Variants in SLC7A1 observed in about 807,000 individuals in gnomAD.
SLC7A1 encodes the protein high affinity cationic amino acid transporter 1.
SLC7A1 carries 10 observed loss-of-function variants against 53.9 expected under a neutral mutation model. The observed-to-expected ratio is 0.19, with a 90% confidence interval of 0.11 to 0.31. The LOEUF (loss-of-function observed/expected upper bound fraction) is 0.31. Among genes scored for constraint, SLC7A1 ranks in the 10% least tolerant of loss-of-function variants. The pLI, the probability that SLC7A1 is intolerant of heterozygous loss-of-function variation, is 1.00. For missense variants in SLC7A1, 525 were observed against 827.2 expected (o/e 0.63, Z 4.48); for synonymous variants, 342 against 338.7 (o/e 1.01, Z -0.11).
intron 4 of SLC7A1, 120 bp from the exon 5 acceptor site, chr13:29,530,832 G>C: frequency 1.4e-6 from 1 of 717,420 alleles, no homozygotes; most frequent in Non-Finnish European, 2.3e-6. Flanking sequence ...AGCCTCTGCA[G>C]ACCTCTGTGA....
intron 11 of SLC7A1, 139 bp downstream of exon 11, chr13:29,517,004 GC>G (rs1883576676): frequency 1.4e-6 from 1 of 703,814 alleles, no homozygotes; most frequent in Non-Finnish European, 2.3e-6. Context: ...CAGGACCCCT[GC>G]CCCATCTTAC....
At position 29,551,086 on chromosome 13, in the gene SLC7A1, A is replaced by T. The variant is rs553507827; in HGVS notation, c.-15+2675T>A. On this transcript the variant is annotated intron_variant, in intron 2 of 12. Transcript: ENST00000380752. ...TAAGTAGCTGTTATTTCATTTTTTT[A>T]AAAATTGGGTGATCTTCCTTGGGCC... Among the ~76,000 whole-genome samples, 4 of 152,246 alleles carry T rather than the reference A, an allele frequency of 2.6e-5. No individual in the cohort carries two copies. The East Asian group carries it at 7.7e-4, about 29-fold the overall frequency.
intron 5 of SLC7A1, 68 bp from the exon 6 acceptor site, chr13:29,524,321 CA>C: frequency 6.3e-7 from 1 of 1,599,704 alleles, no homozygotes; most frequent in Non-Finnish European, 8.5e-7. Flanking sequence ...GAGCTGTGCT[CA>C]TCTCCTGATA....
chr13:29,528,770 G>A (rs534517623), intron 5 of SLC7A1, among the ~76,000 whole-genome samples: 46 of 152,306 alleles, frequency 3.0e-4, no homozygotes, highest in African/African-American at 8.9e-4. Flanking sequence ...CAGTGAGGCC[G>A]TCAGATGTAG....
chr13:29,528,655 TAAC>T (rs1358597396), intron 5 of SLC7A1, among the ~76,000 whole-genome samples: 1 of 152,188 alleles, frequency 6.6e-6, no homozygotes, highest in African/African-American at 2.4e-5. Flanking sequence ...TTAGATATTT[TAAC>T]AACATAATAG....
At position 29,517,166 on chromosome 13, in the gene SLC7A1, C is replaced by T. The variant is rs765191110; in HGVS notation, c.1655G>A (p.Ser552Asn). The T allele has an allele frequency of 9.3e-6, 15 of 1,610,486 alleles. No homozygotes were observed. In the Admixed American group the frequency reaches 2.2e-4, roughly 23 times the overall value. ...CACCTTAAATGAGAGCTTGGTCTTG[C>T]TCTCGGGCTGCCTCCAGATGACGCC... ...VTGVIWRQPE[S>N]KTKLSFKVPF... is the part of the protein sequence containing the mutation. The change falls in exon 11 of 13, where the codon AGC (serine) becomes AAC (asparagine). Residue 552 changes from serine (S) to asparagine (N), a missense_variant. Physicochemically the swap from Ser to Asn is conservative, Grantham distance 46. This residue lies in a region of SLC7A1 where 122 missense variants were observed against 140.9 expected (regional missense o/e 0.87). Transcript: ENST00000380752.
intron 1 of SLC7A1, among the ~76,000 whole-genome samples, chr13:29,564,524 A>G (rs1316223311): frequency 6.6e-6 from 1 of 152,208 alleles, no homozygotes; most frequent in Non-Finnish European, 1.5e-5. Context: ...ATTATTTTCA[A>G]TACTACTGAA....
At chr13:29,585,117 C>A (rs982980290) in intron 1 of SLC7A1, among the ~76,000 whole-genome samples, 10 of 152,224 alleles carry the variant, frequency 6.6e-5, no homozygotes, top group African/African-American at 2.4e-4. Flanking sequence ...GGAATTCACA[C>A]AGGTCTGCCC....
At chr13:29,551,085 T>A (rs767194551) in intron 2 of SLC7A1, among the ~76,000 whole-genome samples, 33 of 152,206 alleles carry the variant, frequency 2.2e-4, no homozygotes, top group African/African-American at 3.9e-4. Context: ...TTCATTTTTT[T>A]AAAAATTGGG....
rs1053548693 is a variant in SLC7A1 at position 29,517,733 on chromosome 13, T to C, written c.1350A>G (p.Leu450=). Residue 450 remains leucine, a synonymous_variant, in exon 10 of 13, where the codon TTA becomes TTG. Coordinates refer to ENST00000380752, the MANE Select transcript of SLC7A1 (RefSeq NM_003045.5). ...VYQMASTSDE[L]DPADQNELAS... is the part of the protein sequence containing the mutation. ...CCAATTCATTTTGGTCTGCTGGATC[T>C]AACTCGTCGGAAGTACTGGCCATCT... 1 of 1,614,114 alleles carries C rather than the reference T, an allele frequency of 6.2e-7. No homozygotes were observed. The highest frequency in any genetic ancestry group is 1.3e-5 in the African/African-American group (1 of 74,934).
intron 1 of SLC7A1, among the ~76,000 whole-genome samples, chr13:29,564,834 T>G (rs1870899809): frequency 2.6e-5 from 4 of 152,252 alleles, no homozygotes; most frequent in Non-Finnish European, 5.9e-5. Context: ...TATATAAATA[T>G]ATTAAGCACT....
intron 1 of SLC7A1, among the ~76,000 whole-genome samples, 162 bp from the exon 2 acceptor site, chr13:29,554,022 C>G (rs1309594970): frequency 6.6e-6 from 1 of 152,130 alleles, no homozygotes; most frequent in East Asian, 1.9e-4. Flanking sequence ...AGGGGCCCAC[C>G]ATGGGGCATC....
At chr13:29,537,688 A>G (rs1869486980) in intron 2 of SLC7A1, among the ~76,000 whole-genome samples, 2 of 152,202 alleles carry the variant, frequency 1.3e-5, no homozygotes, top group South Asian at 4.1e-4. Flanking sequence ...ATCTAACACT[A>G]TCCTAAAACA....
intron 1 of SLC7A1, among the ~76,000 whole-genome samples, chr13:29,589,501 G>A (rs1350538899): frequency 6.6e-6 from 1 of 152,246 alleles, no homozygotes; most frequent in African/African-American, 2.4e-5. Context: ...CACTGGCCAC[G>A]TCCCAGCGCA....
At chr13:29,534,448 G>T (rs1432375862) in intron 3 of SLC7A1, among the ~76,000 whole-genome samples, 9 of 152,324 alleles carry the variant, frequency 5.9e-5, no homozygotes, top group Admixed American at 3.9e-4. Flanking sequence ...ATGTGTGGTT[G>T]TTAAGTTTTG....
At chr13:29,524,105 C>T (rs368599427) in intron 6 of SLC7A1, 27 bp downstream of exon 6, 72 of 1,611,552 alleles carry the variant, frequency 4.5e-5, no homozygotes, top group Non-Finnish European at 5.7e-5. Flanking sequence ...CAGGAGGACC[C>T]GGGACCGCAG....
At chr13:29,569,973 C>T (rs984491794) in intron 1 of SLC7A1, among the ~76,000 whole-genome samples, 1 of 152,214 alleles carries the variant, frequency 6.6e-6, no homozygotes, top group African/African-American at 2.4e-5. Flanking sequence ...GTCCTGGTCA[C>T]ATTACACAAA....
intron 2 of SLC7A1, among the ~76,000 whole-genome samples, chr13:29,540,087 C>T (rs1283659667): frequency 6.6e-6 from 1 of 152,184 alleles, no homozygotes; most frequent in East Asian, 1.9e-4. Context: ...GCTGGTTGTT[C>T]AACCAACAGT....
At chr13:29,591,250 A>G (rs1872096607) in intron 1 of SLC7A1, among the ~76,000 whole-genome samples, 1 of 152,200 alleles carries the variant, frequency 6.6e-6, no homozygotes, top group African/African-American at 2.4e-5. Context: ...TCTCATTTAA[A>G]TCCTCTCAGT....
Sources: allele counts gnomAD v4.1 joint callset (sites outside exome capture counted in the v4.1 genomes callset), GRCh38; gene constraint gnomAD v4.1.1; regional missense constraint gnomAD v4.1.1; transcripts MANE v1.5; gene names NCBI Gene and HGNC (gene_info 2026-07-23, HGNC 2026-07-21).